ADAMTS12: variants seen among roughly 807,000 people sequenced by gnomAD.
The protein encoded by ADAMTS12 is ADAM metallopeptidase with thrombospondin type 1 motif 12, also known as A disintegrin and metalloproteinase with thrombospondin motifs 12.
Under a neutral mutation model 167.8 loss-of-function variants are expected in ADAMTS12, and 118 were observed. The ratio of observed to expected loss-of-function variants is 0.70; its 90% CI spans 0.61 to 0.82. ADAMTS12 has a LOEUF of 0.82. Among genes scored for constraint, ADAMTS12 ranks in the 40% least tolerant of loss-of-function variants. The pLI, the probability that ADAMTS12 is intolerant of heterozygous loss-of-function variation, is 0.00. For synonymous variants in ADAMTS12, 704 were observed against 716.9 expected (o/e 0.98, Z 0.29); for missense variants, 1,916 against 1,998.8 (o/e 0.96, Z 0.79).
In ADAMTS12 at chr5:33,561,189, G is replaced by A. The variant is rs747234315; in HGVS notation, c.3973-10C>T. ...CACATGTGGTGGAGCACTGTAGCAGGGAAGGAGAGAGATGACAGAGGCTGA... is the reference window on the plus strand; with the variant it reads ...CACATGTGGTGGAGCACTGTAGCAGAGAAGGAGAGAGATGACAGAGGCTGA... On this transcript the variant is annotated splice_polypyrimidine_tract_variant and intron_variant, in intron 19 of 23. Transcript: ENST00000504830. 29 of 1,612,128 alleles carry A rather than the reference G, an allele frequency of 1.8e-5. No homozygotes were observed. In the South Asian group the frequency reaches 3.2e-4, roughly 18 times the overall value.
intron 5 of ADAMTS12, among the ~76,000 whole-genome samples, chr5:33,676,401 G>A (rs1422286195): frequency 6.6e-6 from 1 of 152,114 alleles, no homozygotes; most frequent in Non-Finnish European, 1.5e-5. Flanking sequence ...GAGACAAGCT[G>A]TAAAAGGTTT....
chr5:33,588,870 C>A (rs1747497784), intron 17 of ADAMTS12, 61 bp from the exon 18 acceptor site: 2 of 1,582,852 alleles, frequency 1.3e-6, no homozygotes, highest in Admixed American at 1.7e-5. Context: ...TTCCATTCAA[C>A]CACTGAGAAA....
chr5:33,791,170 T>C (rs969699401), intron 2 of ADAMTS12, among the ~76,000 whole-genome samples: 16 of 152,210 alleles, frequency 1.1e-4, no homozygotes, highest in African/African-American at 3.6e-4. Flanking sequence ...CCAGTACCTC[T>C]TGACTCTCAG....
chr5:33,572,432 G>A (rs1746410070), intron 19 of ADAMTS12, among the ~76,000 whole-genome samples: 1 of 151,832 alleles, frequency 6.6e-6, no homozygotes, highest in Admixed American at 6.6e-5. Flanking sequence ...TGGGATGCAA[G>A]GCTGGTTCAA....
At chr5:33,815,890 T>C (rs533170790) in intron 2 of ADAMTS12, among the ~76,000 whole-genome samples, 2 of 152,338 alleles carry the variant, frequency 1.3e-5, no homozygotes, top group African/African-American at 4.8e-5. Context: ...TGGACCAGCA[T>C]CCATCAGTTC....
intron 1 of ADAMTS12, among the ~76,000 whole-genome samples, chr5:33,884,051 T>C (rs1413487806): frequency 6.6e-6 from 1 of 152,182 alleles, no homozygotes; most frequent in African/African-American, 2.4e-5. Flanking sequence ...AAATATCTTA[T>C]TCAGCTGGGT....
At chr5:33,662,911 C>A (rs12516835) in intron 5 of ADAMTS12, among the ~76,000 whole-genome samples, 79,354 of 152,044 alleles carry the variant, frequency 0.52, 21,815 homozygotes, top group East Asian at 0.68. Context: ...CTAACCTCCA[C>A]TGGCTCACTC....
chr5:33,705,995 C>T (rs1743189609), intron 3 of ADAMTS12, among the ~76,000 whole-genome samples: 1 of 152,024 alleles, frequency 6.6e-6, no homozygotes, highest in Non-Finnish European at 1.5e-5. Flanking sequence ...ACTGATCTTC[C>T]ATGTTCATGA....
intron 12 of ADAMTS12, among the ~76,000 whole-genome samples, chr5:33,633,266 T>C (rs145887698): frequency 8.9e-6 from 1 of 112,612 alleles, no homozygotes; most frequent in African/African-American, 2.7e-5. Flanking sequence ...TCATGACACA[T>C]CACCATAAAG....
At chr5:33,813,504 G>C (rs1044070326) in intron 2 of ADAMTS12, among the ~76,000 whole-genome samples, 1 of 152,088 alleles carries the variant, frequency 6.6e-6, no homozygotes, top group Non-Finnish European at 1.5e-5. Flanking sequence ...TCTCCACCCC[G>C]CTGAATCTGG....
At chr5:33,823,001 G>C (rs1747917342) in intron 2 of ADAMTS12, among the ~76,000 whole-genome samples, 1 of 151,492 alleles carries the variant, frequency 6.6e-6, no homozygotes, top group Non-Finnish European at 1.5e-5. Flanking sequence ...TGAGGTGGGA[G>C]GATCCTTGGA....
At position 33,620,063 on chromosome 5, in the gene ADAMTS12, C is replaced by A. The variant is rs571395484; in HGVS notation, c.2144-3991G>T. 1.1e-4 allele frequency among the ~76,000 whole-genome samples: 17 copies of A among 152,352 alleles called. No homozygotes were observed. In the South Asian group the frequency reaches 3.3e-3, roughly 30 times the overall value. On this transcript the variant is annotated intron_variant, in intron 14 of 23. Transcript: ENST00000504830. Reference sequence around the variant, plus strand: ...GTATGCCTTTCCTATAGCAGTCCTGCACCGATGTGAAAGCTACATGAAAGA... The same window carrying A: ...GTATGCCTTTCCTATAGCAGTCCTGAACCGATGTGAAAGCTACATGAAAGA...
chr5:33,786,868 T>A (rs1445240964), intron 2 of ADAMTS12, among the ~76,000 whole-genome samples: 4 of 149,534 alleles, frequency 2.7e-5, no homozygotes, highest in Non-Finnish European at 6.0e-5. Flanking sequence ...CCTAATAAAT[T>A]AAACCAACAA....
chr5:33,706,701 C>T (rs979936457), intron 3 of ADAMTS12, among the ~76,000 whole-genome samples: 20 of 151,888 alleles, frequency 1.3e-4, no homozygotes, highest in African/African-American at 4.8e-4. Context: ...CATTATGATG[C>T]TAGCTGGTTT....
intron 13 of ADAMTS12, among the ~76,000 whole-genome samples, chr5:33,625,040 G>C (rs1739518092): frequency 6.6e-6 from 1 of 152,052 alleles, no homozygotes; most frequent in Non-Finnish European, 1.5e-5. Flanking sequence ...ATTTTGCTCA[G>C]GCCAGAGTGC....
chr5:33,559,641 A>G (rs1415962375), intron 20 of ADAMTS12, among the ~76,000 whole-genome samples: 1 of 152,194 alleles, frequency 6.6e-6, no homozygotes, highest in Non-Finnish European at 1.5e-5. Flanking sequence ...AGCACTTTGG[A>G]AGGCCAAGGC....
chr5:33,810,052 A>C (rs930128035), intron 2 of ADAMTS12, among the ~76,000 whole-genome samples: 3 of 151,800 alleles, frequency 2.0e-5, no homozygotes, highest in African/African-American at 7.3e-5. Context: ...TGAATTACAG[A>C]GTCCTAAGAG....
At chr5:33,603,938 C>A (rs535928641) in intron 16 of ADAMTS12, among the ~76,000 whole-genome samples, 98 of 152,302 alleles carry the variant, frequency 6.4e-4, no homozygotes, top group African/African-American at 2.4e-3. Context: ...AAGTGCTTAA[C>A]TTAAGCAGAG....
At chr5:33,607,900 GA>G (rs1277316216) in intron 16 of ADAMTS12, among the ~76,000 whole-genome samples, 5 of 152,150 alleles carry the variant, frequency 3.3e-5, no homozygotes, top group Non-Finnish European at 7.4e-5. Flanking sequence ...TAAAGAGAAA[GA>G]ACTAGATAAG....
Sources: gnomAD v4.1 joint callset for allele counts (sites outside exome capture counted in the v4.1 genomes callset) on GRCh38, gnomAD v4.1.1 for gene constraint, MANE v1.5 for transcripts, NCBI Gene and HGNC (gene_info 2026-07-23, HGNC 2026-07-21) for gene names.